The following SMARCA2 variants were observed in gnomAD, a reference collection of about 807,000 sequenced individuals.
SMARCA2 encodes the protein SWI/SNF-related matrix-associated actin-dependent regulator of chromatin subfamily A member 2.
Under a neutral mutation model 199.8 loss-of-function variants are expected in SMARCA2, and 61 were observed. That is an observed-to-expected ratio of 0.31 (90% confidence interval 0.25 to 0.38). The LOEUF is 0.38. Among genes scored for constraint, SMARCA2 ranks in the 10% least tolerant of loss-of-function variants. The probability of loss-of-function intolerance (pLI) is 1.00; values close to 1 mark genes in which losing one functional copy is unlikely to be tolerated. For synonymous variants in SMARCA2, 935 were observed against 732.0 expected (o/e 1.28, Z -4.48); for missense variants, 1,344 against 2,012.2 (o/e 0.67, Z 6.35).
chr9:2,179,193 G>T lies in SMARCA2; in HGVS notation c.4254-2378G>T, dbSNP rs547954727. ...ATGAAAGTTGGGGGTACACAGTAGA[G>T]ACTCTCCTGACTAGAAGAGAAGTGT... On this transcript the variant is annotated intron_variant, in intron 29 of 33. Coordinates refer to ENST00000349721, the MANE Select transcript of SMARCA2 (RefSeq NM_003070.5). Among the ~76,000 whole-genome samples, 21 of 152,280 alleles carry T rather than the reference G, an allele frequency of 1.4e-4. No individual in the cohort carries two copies. The South Asian group carries it at 3.3e-3, about 24-fold the overall frequency.
chr9:2,095,092 T>A (rs1438730509), intron 19 of SMARCA2, among the ~76,000 whole-genome samples: 1 of 151,970 alleles, frequency 6.6e-6, no homozygotes. Flanking sequence ...ATTAGAATTT[T>A]TTTTTTTTTT....
chr9:2,078,867 C>A (rs1218164546), intron 14 of SMARCA2, among the ~76,000 whole-genome samples: 3 of 151,980 alleles, frequency 2.0e-5, no homozygotes, highest in Non-Finnish European at 1.5e-5. Flanking sequence ...ATGGCGTGAA[C>A]CCAGGAGGCG....
intron 29 of SMARCA2, among the ~76,000 whole-genome samples, chr9:2,178,141 T>C (rs779004493): frequency 1.4e-4 from 21 of 152,096 alleles, no homozygotes; most frequent in Non-Finnish European, 3.1e-4. Flanking sequence ...CTCTTTTCCA[T>C]CTCGTACTCT....
intron 27 of SMARCA2, chr9:2,159,730 T>G (rs1398395130): frequency 1.3e-6 from 2 of 1,514,720 alleles, no homozygotes; most frequent in Non-Finnish European, 1.8e-6. Flanking sequence ...CCACAATCCT[T>G]TCAGTATTAA....
chr9:2,129,224 C>T (rs1247778399), intron 27 of SMARCA2, among the ~76,000 whole-genome samples: 3 of 152,138 alleles, frequency 2.0e-5, no homozygotes, highest in East Asian at 1.9e-4. Context: ...CGAGACCATC[C>T]TGGCTAACAC....
At chr9:2,191,167 A>ATGTT (rs1406131501) in intron 32 of SMARCA2, 99 bp from the exon 33 acceptor site, 2 of 1,153,548 alleles carry the variant, frequency 1.7e-6, no homozygotes, top group East Asian at 2.4e-5. Flanking sequence ...GCACTCTGGG[A>ATGTT]TGTTTGTGTT....
At chr9:2,074,975 G>A (rs1821261173) in intron 12 of SMARCA2, 2 of 152,232 alleles carry the variant, frequency 1.3e-5, no homozygotes, top group Non-Finnish European at 2.9e-5. Flanking sequence ...GGATGAATGG[G>A]CTTATAAGTG....
At position 2,170,205 on chromosome 9, in the gene SMARCA2, G is replaced by A. The variant is rs1340579626; in HGVS notation, c.4200-214G>A. ...GTGTGACGGAAGTAGGAAAATCCCA[G>A]AAAGGTTAGGAAATCCACTTCCCCC... On this transcript the variant is annotated intron_variant, in intron 28 of 33. Coordinates refer to ENST00000349721, the MANE Select transcript of SMARCA2 (RefSeq NM_003070.5). The surrounding 1 kb of genome is among the most constrained non-coding windows in gnomAD (Gnocchi z 4.7). Among the ~76,000 whole-genome samples, 1 of 152,126 alleles carries A rather than the reference G, an allele frequency of 6.6e-6. No homozygotes were observed. The highest frequency in any genetic ancestry group is 1.5e-5 in the Non-Finnish European group (1 of 68,032).
intron 25 of SMARCA2, among the ~76,000 whole-genome samples, chr9:2,117,231 T>A (rs930327253): frequency 8.5e-5 from 13 of 152,184 alleles, no homozygotes; most frequent in Non-Finnish European, 1.9e-4. Context: ...AAGTAAAGCT[T>A]GATATTTAAA....
At chr9:2,162,450 G>C (rs1211064407) in intron 28 of SMARCA2, among the ~76,000 whole-genome samples, 1 of 152,092 alleles carries the variant, frequency 6.6e-6, no homozygotes, top group Non-Finnish European at 1.5e-5. Context: ...CCTTTTTTAT[G>C]GGATTTTTGG....
At chr9:2,074,317 A>C (rs2130430890) in intron 12 of SMARCA2, among the ~76,000 whole-genome samples, 1 of 152,328 alleles carries the variant, frequency 6.6e-6, no homozygotes, top group Middle Eastern at 3.4e-3. Context: ...GGATTAAAAG[A>C]AGATTTGCTC....
chr9:2,182,765 G>A (rs1380503525), intron 31 of SMARCA2, among the ~76,000 whole-genome samples: 1 of 149,392 alleles, frequency 6.7e-6, no homozygotes, highest in Admixed American at 6.7e-5. Flanking sequence ...AAAGTGTTGG[G>A]ATTACAGGCA....
chr9:2,144,970 A>C (rs926381711), intron 27 of SMARCA2, among the ~76,000 whole-genome samples: 4 of 152,220 alleles, frequency 2.6e-5, no homozygotes, highest in African/African-American at 7.2e-5. Context: ...AAGTTGGGGA[A>C]TCTGCATTTA....
intron 5 of SMARCA2, among the ~76,000 whole-genome samples, chr9:2,050,822 T>A (rs942214034): frequency 6.6e-6 from 1 of 152,212 alleles, no homozygotes. Flanking sequence ...ACAGGAATCA[T>A]AAACTTCTCC....
intron 27 of SMARCA2, among the ~76,000 whole-genome samples, chr9:2,150,065 C>T (rs1252181568): frequency 1.3e-5 from 2 of 151,514 alleles, no homozygotes; most frequent in African/African-American, 2.4e-5. Flanking sequence ...TATGTGAGTA[C>T]ATGCGTCTGT....
At chr9:2,074,731 G>T (rs747744825) in intron 12 of SMARCA2, among the ~76,000 whole-genome samples, 2 of 152,182 alleles carry the variant, frequency 1.3e-5, no homozygotes, top group Non-Finnish European at 2.9e-5. Flanking sequence ...GCGGGGCGTG[G>T]TGACGCATGC....
At chr9:2,065,077 C>G (rs1001465713) in intron 9 of SMARCA2, among the ~76,000 whole-genome samples, 2 of 152,082 alleles carry the variant, frequency 1.3e-5, no homozygotes, top group African/African-American at 4.8e-5. Context: ...CCCAGCTACT[C>G]AGGAGGCTGA....
At chr9:2,156,947 G>A (rs925569822) in intron 27 of SMARCA2, among the ~76,000 whole-genome samples, 8 of 152,020 alleles carry the variant, frequency 5.3e-5, no homozygotes, top group Admixed American at 6.5e-5. Flanking sequence ...GCTTTTTTGC[G>A]TCTAGATTAT....
In SMARCA2 at chr9:2,119,146, G is replaced by A. The variant is rs936516497; in HGVS notation, c.3685-312G>A. On this transcript the variant is annotated intron_variant, in intron 25 of 33. Coordinates refer to ENST00000349721, the MANE Select transcript of SMARCA2 (RefSeq NM_003070.5). This position sits in a 1 kb window ranked among gnomAD's most constrained non-coding sequence, Gnocchi z 4.6. ...TGTGAAATAGATGTCATACCCATATGACCAATGAGGTCACTGAAGCGAGGA... is the reference window on the plus strand; with the variant it reads ...TGTGAAATAGATGTCATACCCATATAACCAATGAGGTCACTGAAGCGAGGA... Among the ~76,000 whole-genome samples, 1 of 152,126 alleles carries A rather than the reference G, an allele frequency of 6.6e-6. No individual in the cohort carries two copies. The highest frequency in any genetic ancestry group is 1.5e-5 in the Non-Finnish European group (1 of 68,012).
Sources: gnomAD v4.1 joint callset for allele counts (sites outside exome capture counted in the v4.1 genomes callset) on GRCh38, gnomAD v4.1.1 for gene constraint, Gnocchi (gnomAD v3.1) non-coding constraint, MANE v1.5 for transcripts, NCBI Gene and HGNC (gene_info 2026-07-23, HGNC 2026-07-21) for gene names.